The following HECW1 variants were observed in gnomAD, a reference collection of about 807,000 sequenced individuals.
The protein encoded by HECW1 is HECT, C2 and WW domain containing E3 ubiquitin protein ligase 1.
In HECW1, 61 loss-of-function variants were observed where a neutral mutation model predicts 182.3. The ratio of observed to expected loss-of-function variants is 0.33; its 90% CI spans 0.27 to 0.41. The LOEUF (loss-of-function observed/expected upper bound fraction) is 0.41. HECW1 is among the 10% of genes least tolerant of loss of function. The pLI is 1.00. For synonymous variants in HECW1, 859 were observed against 832.6 expected (o/e 1.03, Z -0.55); for missense variants, 1,739 against 2,108.9 (o/e 0.82, Z 3.44).
chr7:43,215,863 C>G (rs546043135), intron 2 of HECW1, among the ~76,000 whole-genome samples: 1 of 152,304 alleles, frequency 6.6e-6, no homozygotes, highest in South Asian at 2.1e-4. Context: ...GTCTGTGCCT[C>G]TCTCTGTAGC....
intron 3 of HECW1, among the ~76,000 whole-genome samples, chr7:43,304,895 C>CT (rs1807354467): frequency 6.6e-6 from 1 of 152,196 alleles, no homozygotes; most frequent in African/African-American, 2.4e-5. Context: ...GTCTTGGTGC[C>CT]TGCCTTCTAA....
At chr7:43,252,329 GTTC>G (rs1001437500) in intron 3 of HECW1, among the ~76,000 whole-genome samples, 1 of 152,158 alleles carries the variant, frequency 6.6e-6, no homozygotes, top group African/African-American at 2.4e-5. Flanking sequence ...AGGGCTTGTG[GTTC>G]TTCTGCTGAG....
At chr7:43,561,750 C>A in intron 29 of HECW1, 65 bp from the exon 30 acceptor site, 1 of 1,124,766 alleles carries the variant, frequency 8.9e-7, no homozygotes, top group Non-Finnish European at 1.3e-6. Context: ...TTCAGACAGT[C>A]ACAGATCCAG....
At chr7:43,206,394 G>A (rs1795486376) in intron 2 of HECW1, among the ~76,000 whole-genome samples, 3 of 152,298 alleles carry the variant, frequency 2.0e-5, no homozygotes, top group Middle Eastern at 6.8e-3. Flanking sequence ...AAGGTCTACC[G>A]TGCTTTTTTC....
intron 17 of HECW1, among the ~76,000 whole-genome samples, chr7:43,486,193 G>T (rs10250324): frequency 6.6e-6 from 1 of 152,076 alleles, no homozygotes; most frequent in African/African-American, 2.4e-5. Flanking sequence ...CCAAGGACAC[G>T]AACTCATCCT....
intron 5 of HECW1, among the ~76,000 whole-genome samples, chr7:43,346,427 TC>T (rs2152803528): frequency 6.6e-6 from 1 of 152,334 alleles, no homozygotes; most frequent in Admixed American, 6.5e-5. Flanking sequence ...GAAGATTTTC[TC>T]CCAATATGTG....
chr7:43,508,271 G>T, intron 23 of HECW1, 140 bp downstream of exon 23: 1 of 581,318 alleles, frequency 1.7e-6, no homozygotes. Flanking sequence ...TCTCCCAGGA[G>T]GTCCTTCTTT....
intron 27 of HECW1, among the ~76,000 whole-genome samples, chr7:43,551,139 G>C (rs1011099340): frequency 2.0e-5 from 3 of 152,152 alleles, no homozygotes; most frequent in African/African-American, 7.2e-5. Flanking sequence ...GTCGTGGAAG[G>C]CTCTCCTTCC....
intron 15 of HECW1, among the ~76,000 whole-genome samples, chr7:43,467,988 A>G (rs1350059442): frequency 6.6e-6 from 1 of 151,986 alleles, no homozygotes; most frequent in Non-Finnish European, 1.5e-5. Context: ...GAGAACGCGC[A>G]TGGCACATGG....
chr7:43,359,582 A>C (rs966606202), intron 5 of HECW1, among the ~76,000 whole-genome samples: 4 of 152,182 alleles, frequency 2.6e-5, no homozygotes, highest in African/African-American at 4.8e-5. Context: ...TCATAATGTC[A>C]ATTTTTTAAA....
intron 24 of HECW1, among the ~76,000 whole-genome samples, chr7:43,530,861 C>T (rs977240019): frequency 6.6e-6 from 1 of 152,172 alleles, no homozygotes; most frequent in Non-Finnish European, 1.5e-5. Flanking sequence ...CTGCCCCCTC[C>T]TAAAATCTAT....
At chr7:43,513,269 T>C (rs2079967375) in intron 24 of HECW1, among the ~76,000 whole-genome samples, 1 of 152,178 alleles carries the variant, frequency 6.6e-6, no homozygotes, top group East Asian at 1.9e-4. Flanking sequence ...ACATGTCCCT[T>C]AAGATCTTTA....
intron 2 of HECW1, among the ~76,000 whole-genome samples, chr7:43,119,418 A>T (rs1785364114): frequency 6.6e-6 from 1 of 152,114 alleles, no homozygotes; most frequent in South Asian, 2.1e-4. Context: ...GGCTCTTTGG[A>T]TGGCCCCTGA....
At chr7:43,275,967 A>G (rs1584288061) in intron 3 of HECW1, among the ~76,000 whole-genome samples, 1 of 152,318 alleles carries the variant, frequency 6.6e-6, no homozygotes, top group East Asian at 1.9e-4. Context: ...GATCTATTAT[A>G]GTGTATGGCA....
chr7:43,547,734 A>G (rs1018749063), intron 26 of HECW1, among the ~76,000 whole-genome samples: 43 of 152,312 alleles, frequency 2.8e-4, no homozygotes, highest in Non-Finnish European at 5.6e-4. Context: ...GCAGACCTCA[A>G]TCTATGGTGC....
chr7:43,172,249 G>C (rs896281341), intron 2 of HECW1, among the ~76,000 whole-genome samples: 13 of 151,922 alleles, frequency 8.6e-5, no homozygotes, highest in African/African-American at 3.1e-4. Flanking sequence ...AGCCGAGATT[G>C]CGCCACTGCA....
chr7:43,382,281 G>A lies in HECW1; in HGVS notation c.556-14533G>A, dbSNP rs939876191. ...AGCCTGGGCGACAGAGCGAGACTCC[G>A]TCTCAAAAAAGAAAAAAAAAAAAAA... On this transcript the variant is annotated intron_variant, in intron 6 of 29. Coordinates refer to ENST00000395891, the MANE Select transcript of HECW1 (RefSeq NM_015052.5). 4.7e-5 allele frequency among the ~76,000 whole-genome samples: 7 copies of A among 150,496 alleles called. No individual in the cohort carries two copies. The East Asian group carries it at 5.9e-4, about 13-fold the overall frequency.
At chr7:43,547,703 A>C (rs1054820314) in intron 26 of HECW1, among the ~76,000 whole-genome samples, 2 of 152,222 alleles carry the variant, frequency 1.3e-5, no homozygotes, top group Non-Finnish European at 2.9e-5. Context: ...ATTTATTTTG[A>C]AAAGATGGGC....
At chr7:43,118,035 A>C (rs973635403) in intron 2 of HECW1, 1 of 152,738 alleles carries the variant, frequency 6.5e-6, no homozygotes, top group African/African-American at 2.4e-5. Context: ...AATTTGGTGG[A>C]TGGAACTTAA....
Sources: allele counts gnomAD v4.1 joint callset (sites outside exome capture counted in the v4.1 genomes callset), GRCh38; gene constraint gnomAD v4.1.1; transcripts MANE v1.5; gene names NCBI Gene and HGNC (gene_info 2026-07-23, HGNC 2026-07-21).